GPHN: variants seen among roughly 807,000 people sequenced by gnomAD.
GPHN encodes gephyrin.
In GPHN, 17 loss-of-function variants were observed where a neutral mutation model predicts 95.5. The ratio of observed to expected loss-of-function variants is 0.18; its 90% CI spans 0.12 to 0.27. The LOEUF is 0.27. Ranked by LOEUF, GPHN falls within the 10% of genes least tolerant of loss-of-function variation. GPHN has a pLI of 1.00. For synonymous variants in GPHN, 320 were observed against 322.5 expected (o/e 0.99, Z 0.08); for missense variants, 660 against 978.1 (o/e 0.67, Z 4.34).
At chr14:67,620,991 T>C in the GPHN span, 2 of 1,608,212 alleles carry the variant, frequency 1.2e-6, no homozygotes, top group Non-Finnish European at 1.7e-6. Flanking sequence ...TTTTAGATAT[T>C]AGTGCAGGAC....
rs1273382145 is a variant in GPHN at position 66,765,013 on chromosome 14, TA to T, written c.144-11444del. On this transcript the variant is annotated intron_variant, in intron 2 of 22. Coordinates refer to ENST00000478722, the MANE Select transcript of GPHN (RefSeq NM_020806.5). ...CCTGAACTACTATATATCCAGATAA[TA>T]AAAAAATGAAAAATAACATGTGATG... is the stretch of plus-strand genomic sequence containing the variant. Among the ~76,000 whole-genome samples the T allele has an allele frequency of 4.6e-5, 7 of 152,198 alleles. No homozygotes were observed. In the South Asian group the frequency reaches 1.0e-3, roughly 23 times the overall value.
the GPHN span, among the ~76,000 whole-genome samples, chr14:67,661,052 TG>T: frequency 6.6e-6 from 1 of 152,038 alleles, no homozygotes; most frequent in African/African-American, 2.4e-5. Context: ...AGAACTTCAT[TG>T]GGATAAGTGG....
chr14:66,568,466 GA>G (rs1282781793), intron 1 of GPHN, among the ~76,000 whole-genome samples: 4 of 151,762 alleles, frequency 2.6e-5, no homozygotes, highest in African/African-American at 9.7e-5. Flanking sequence ...ATTTCCAGAG[GA>G]AAAAAGAGGA....
At chr14:67,144,242 A>ATATATATATATATACATATATAT (rs1567399860) in intron 18 of GPHN, among the ~76,000 whole-genome samples, 1 of 68,078 alleles carries the variant, frequency 1.5e-5, no homozygotes, top group African/African-American at 7.9e-5. Context: ...GTCTTAAAAA[A>ATATATATATATATACATATATAT]AAAAAAAAAT....
the GPHN span, among the ~76,000 whole-genome samples, chr14:67,463,378 G>T: frequency 1.3e-5 from 2 of 151,724 alleles, no homozygotes; most frequent in Admixed American, 6.6e-5. Flanking sequence ...GGTGGCTCAC[G>T]CCTGTAATCC....
intron 3 of GPHN, among the ~76,000 whole-genome samples, chr14:66,822,077 G>T (rs1015792211): frequency 5.3e-5 from 8 of 151,944 alleles, no homozygotes; most frequent in Admixed American, 5.3e-4. Context: ...TCAGCCTCCC[G>T]AGTAGCTGGG....
the GPHN span, among the ~76,000 whole-genome samples, chr14:67,661,890 T>C: frequency 6.6e-6 from 1 of 152,056 alleles, no homozygotes; most frequent in South Asian, 2.1e-4. Flanking sequence ...GCACGGTGGC[T>C]CATGCCTTGT....
At chr14:66,660,077 G>T (rs1313137636) in intron 1 of GPHN, among the ~76,000 whole-genome samples, 3 of 151,460 alleles carry the variant, frequency 2.0e-5, no homozygotes, top group African/African-American at 7.3e-5. Context: ...CTTTTCTAGT[G>T]GTTGTTTATT....
chr14:66,926,314 C>A (rs778681068), intron 8 of GPHN, among the ~76,000 whole-genome samples: 14 of 152,152 alleles, frequency 9.2e-5, no homozygotes, highest in Non-Finnish European at 1.9e-4. Context: ...GAAATCTTTG[C>A]CCAGTCCAAT....
chr14:66,783,950 C>T (rs927598045), intron 3 of GPHN, among the ~76,000 whole-genome samples: 2 of 152,014 alleles, frequency 1.3e-5, no homozygotes, highest in African/African-American at 4.8e-5. Context: ...ATATAAAATA[C>T]CAAATGTCCT....
At chr14:67,306,314 T>G in the GPHN span, among the ~76,000 whole-genome samples, 1 of 151,894 alleles carries the variant, frequency 6.6e-6, no homozygotes, top group East Asian at 1.9e-4. Flanking sequence ...TAGAGTGATG[T>G]GCAGTATTTT....
At chr14:66,589,752 G>A (rs1032216531) in intron 1 of GPHN, among the ~76,000 whole-genome samples, 1 of 152,076 alleles carries the variant, frequency 6.6e-6, no homozygotes, top group Admixed American at 6.5e-5. Flanking sequence ...ACACCCCACT[G>A]TCAATATTAG....
chr14:66,772,844 G>A (rs1052714435), intron 2 of GPHN, among the ~76,000 whole-genome samples: 1 of 152,050 alleles, frequency 6.6e-6, no homozygotes, highest in Non-Finnish European at 1.5e-5. Flanking sequence ...AATAAATTTG[G>A]TCTTTAAAAC....
At chr14:67,655,253 G>A in the GPHN span, among the ~76,000 whole-genome samples, 1 of 151,956 alleles carries the variant, frequency 6.6e-6, no homozygotes, top group Non-Finnish European at 1.5e-5. Context: ...CTTGAGCCCA[G>A]GAGTTTGAAG....
chr14:67,577,981 G>C, the GPHN span: 1 of 1,582,656 alleles, frequency 6.3e-7, no homozygotes, highest in Middle Eastern at 2.0e-4. Flanking sequence ...TCTGAACCCA[G>C]GGGATGCTGG....
chr14:67,479,906 G>A, the GPHN span, among the ~76,000 whole-genome samples: 2 of 152,074 alleles, frequency 1.3e-5, no homozygotes, highest in Non-Finnish European at 2.9e-5. Flanking sequence ...TCTCAATATG[G>A]CCAGCTGGTT....
At chr14:67,406,689 G>C in the GPHN span, among the ~76,000 whole-genome samples, 4 of 152,212 alleles carry the variant, frequency 2.6e-5, no homozygotes, top group Non-Finnish European at 5.9e-5. Context: ...AAGGAAGCAG[G>C]TGAGACTGGA....
the GPHN span, chr14:67,292,435 G>T: frequency 3.9e-6 from 4 of 1,013,540 alleles, no homozygotes; most frequent in South Asian, 4.6e-5. Flanking sequence ...CTGGTTCAAA[G>T]AAATGTTCTC....
the GPHN span, among the ~76,000 whole-genome samples, chr14:67,458,402 C>T: frequency 3.9e-5 from 6 of 152,176 alleles, no homozygotes; most frequent in Admixed American, 6.5e-5. Flanking sequence ...CTGCCAGACC[C>T]GCAGCGTGCC....
Sources: allele counts gnomAD v4.1 joint callset (sites outside exome capture counted in the v4.1 genomes callset), GRCh38; gene constraint gnomAD v4.1.1; transcripts MANE v1.5; gene names NCBI Gene and HGNC (gene_info 2026-07-23, HGNC 2026-07-21).